The following TPR variants were observed in gnomAD, a reference collection of about 807,000 sequenced individuals.
The protein encoded by TPR is translocated promoter region, nuclear basket protein, also known as nucleoprotein TPR.
TPR carries 51 observed loss-of-function variants against 316.1 expected under a neutral mutation model. That is an observed-to-expected ratio of 0.16 (90% CI 0.13 to 0.20). The LOEUF (loss-of-function observed/expected upper bound fraction) is 0.20, where lower values mean the gene tolerates loss of function less well. Ranked by LOEUF, TPR falls within the 10% of genes least tolerant of loss-of-function variation. The pLI, the probability that TPR is intolerant of heterozygous loss-of-function variation, is 1.00. For missense variants in TPR, 2,272 were observed against 2,754.8 expected (o/e 0.82, Z 3.92); for synonymous variants, 981 against 914.7 (o/e 1.07, Z -1.31).
intron 20 of TPR, 135 bp from the exon 21 acceptor site, chr1:186,350,523 C>A: frequency 2.4e-5 from 14 of 583,400 alleles, no homozygotes; most frequent in Middle Eastern, 4.8e-4. Context: ...CTGAAACAGC[C>A]AAAAAAAACC....
chr1:186,344,026 T>C lies in TPR; in HGVS notation c.3482A>G (p.Asp1161Gly). The C allele has an allele frequency of 6.2e-7, 1 of 1,614,194 alleles. No homozygotes were observed. The highest frequency in any genetic ancestry group is 8.5e-7 in the Non-Finnish European group (1 of 1,180,036). Residue 1161 changes from aspartate to glycine, a missense_variant, in exon 26 of 51, where the codon GAT becomes GGT. Asp to Gly is a moderately conservative substitution (Grantham distance 94, BLOSUM62 -1). This residue lies in a region of TPR where 757 missense variants were observed against 859.8 expected (regional missense o/e 0.88). Transcript: ENST00000367478. ...CTTGTCACTTAATTTTTCGATCTGA[T>C]CATGAAGTAATCTGTTTTGTTTCTC... ...DLEKQNRLLHDQIEKLSDKVV... is the reference protein window; with the variant it reads ...DLEKQNRLLHGQIEKLSDKVV...
intron 37 of TPR, among the ~76,000 whole-genome samples, chr1:186,332,692 G>A (rs1011158065): frequency 2.0e-5 from 3 of 152,014 alleles, no homozygotes; most frequent in African/African-American, 7.2e-5. Context: ...TAAAACTCAG[G>A]ACTCCTTGAA....
intron 41 of TPR, 22 bp from the exon 42 acceptor site, chr1:186,325,876 A>ATTTT: frequency 6.2e-7 from 1 of 1,605,624 alleles, no homozygotes; most frequent in Admixed American, 1.7e-5. Flanking sequence ...ACGTGGTAAC[A>ATTTT]TAATGCTCAA....
rs1262844659 is a variant in TPR, at chr1:186,370,997, A to C, written c.303T>G (p.Ile101Met). Reference protein sequence around the residue: ...ALTEKNKELEIAQDRNIAIQS... With the variant: ...ALTEKNKELEMAQDRNIAIQS... ...GAATGGCAATATTGCGATCCTGAGC[A>C]ATTTCAAGTTCTTTGTTTTTCTCAG... The change falls in exon 3 of 51, where the codon ATT becomes ATG. Residue 101 changes from isoleucine (I) to methionine (M), a missense_variant. Physicochemically the swap from Ile to Met is conservative, Grantham distance 10 (BLOSUM62 1). Coordinates refer to ENST00000367478, the MANE Select transcript of TPR (RefSeq NM_003292.3). 1 of 1,613,104 alleles carries C rather than the reference A, an allele frequency of 6.2e-7. No homozygotes were observed.
chr1:186,343,885 A>G (rs61810291), intron 26 of TPR, 21 bp downstream of exon 26: 2 of 1,590,426 alleles, frequency 1.3e-6, no homozygotes, highest in Non-Finnish European at 1.7e-6. Context: ...ACAGAAATGA[A>G]GCAGTAAGAA....
Position 186,322,576 on chromosome 1 carries a change from A to C in TPR, c.6308T>G (p.Met2103Arg). Reference sequence around the variant, plus strand: ...ACGTCCTACAGACTGCCTTCGGGTCATCTGAATTCTCTGCGTGTCAAGATA... The same window carrying C: ...ACGTCCTACAGACTGCCTTCGGGTCCTCTGAATTCTCTGCGTGTCAAGATA... Reference protein sequence around the residue: ...ELGPPVQRIQMTRRQSVGRGL... With the variant: ...ELGPPVQRIQRTRRQSVGRGL... The change falls in exon 44 of 51, where the codon ATG becomes AGG. Residue 2103 changes from methionine to arginine, a missense_variant. Met to Arg is a moderately conservative substitution (Grantham distance 91). Coordinates refer to ENST00000367478, the MANE Select transcript of TPR (RefSeq NM_003292.3). The C allele has an allele frequency of 1.2e-6, 2 of 1,614,086 alleles. No individual in the cohort carries two copies. The highest frequency in any genetic ancestry group is 1.7e-6 in the Non-Finnish European group (2 of 1,179,968).
intron 31 of TPR, 98 bp from the exon 32 acceptor site, chr1:186,337,254 A>C: frequency 1.4e-6 from 2 of 1,400,922 alleles, no homozygotes; most frequent in Non-Finnish European, 1.9e-6. Context: ...TTTGCAAAGA[A>C]ATTTTATCCC....
chr1:186,350,252 GCAACTTGGACTT>G lies in TPR; in HGVS notation c.2735_2746del (p.Glu912_Val915del). 6.2e-7 allele frequency: 1 copy of G among 1,611,224 alleles called. No homozygotes were observed. Among genetic ancestry groups the G allele is most frequent in the Non-Finnish European group, 8.5e-7 (1 of 1,179,182 alleles). On this transcript the variant is annotated inframe_deletion, in exon 21 of 51. Coordinates refer to ENST00000367478, the MANE Select transcript of TPR (RefSeq NM_003292.3). ...ACCAGTTCTCTGTGAAGACTGAGAA[GCAACTTGGACTT>G]CCATATTACTGAGGTGCTGTTTCAA... is the stretch of plus-strand genomic sequence containing the variant.
At chr1:186,370,562 A>G (rs1291406815) in intron 3 of TPR, among the ~76,000 whole-genome samples, 1 of 152,120 alleles carries the variant, frequency 6.6e-6, no homozygotes, top group Admixed American at 6.5e-5. Context: ...TGGCAAAAGT[A>G]TAAAGTTGTA....
chr1:186,373,506 T>C (rs1471752323), intron 1 of TPR, 43 bp from the exon 2 acceptor site: 1 of 1,210,220 alleles, frequency 8.3e-7, no homozygotes. Flanking sequence ...ATCAAACACA[T>C]GTACATACAT....
At chr1:186,363,272 T>C in intron 5 of TPR, 70 bp downstream of exon 5, 6 of 1,324,370 alleles carry the variant, frequency 4.5e-6, no homozygotes, top group Non-Finnish European at 6.4e-6. Context: ...TTGCCTATAT[T>C]TGAAATTTAA....
intron 29 of TPR, 126 bp downstream of exon 29, chr1:186,340,902 T>A: frequency 8.3e-7 from 1 of 1,211,674 alleles, no homozygotes. Flanking sequence ...ATTAATAACA[T>A]AATAGACTTT....
chr1:186,344,330 C>A, intron 25 of TPR, 45 bp downstream of exon 25: 1 of 1,583,610 alleles, frequency 6.3e-7, no homozygotes, highest in Non-Finnish European at 8.6e-7. Flanking sequence ...AAAAAAACAA[C>A]TCTTTCAATT....
At chr1:186,361,966 A>G in intron 7 of TPR, 97 bp from the exon 8 acceptor site, 4 of 1,187,082 alleles carry the variant, frequency 3.4e-6, no homozygotes, top group Non-Finnish European at 4.7e-6. Context: ...GTAAAGTAAG[A>G]GCTAAATCTA....
rs1169604086 is a variant in TPR at position 186,313,771 on chromosome 1, G to C, written c.*200C>G. The stretch of plus-strand genomic sequence containing the variant: ...ACCTTATCCAAAGTCTGGTACAACT[G>C]TCCTTAGACTGATGAGCAAAGGAGG... On this transcript the variant is annotated 3_prime_UTR_variant, in exon 51 of 51. Transcript: ENST00000367478. 1.3e-6 allele frequency: 2 copies of C among 1,599,268 alleles called. No homozygotes were observed. Among genetic ancestry groups the C allele is most frequent in the South Asian group, 1.1e-5 (1 of 90,780 alleles).
chr1:186,348,262 C>T (rs1009492727), intron 21 of TPR, among the ~76,000 whole-genome samples: 5 of 151,922 alleles, frequency 3.3e-5, no homozygotes, highest in Admixed American at 6.6e-5. Context: ...TATGAACAGC[C>T]GCTCTGGGAA....
chr1:186,338,742 T>C (rs770561946), intron 30 of TPR, among the ~76,000 whole-genome samples: 6 of 152,198 alleles, frequency 3.9e-5, no homozygotes, highest in Non-Finnish European at 7.3e-5. Flanking sequence ...ATTTGGTCTA[T>C]GGGCTACAGT....
intron 39 of TPR, among the ~76,000 whole-genome samples, chr1:186,330,416 C>A (rs1007110792): frequency 1.3e-5 from 2 of 152,082 alleles, no homozygotes; most frequent in Non-Finnish European, 2.9e-5. Flanking sequence ...AAAGAGGCTG[C>A]GCACAAACTG....
intron 49 of TPR, among the ~76,000 whole-genome samples, chr1:186,317,213 G>T (rs958238476): frequency 1.3e-5 from 2 of 152,162 alleles, no homozygotes; most frequent in Non-Finnish European, 2.9e-5. Flanking sequence ...AACATATGTT[G>T]ACAACCAATA....
Sources: allele counts gnomAD v4.1 joint callset (sites outside exome capture counted in the v4.1 genomes callset), GRCh38; gene constraint gnomAD v4.1.1; regional missense constraint gnomAD v4.1.1; transcripts MANE v1.5; gene names NCBI Gene and HGNC (gene_info 2026-07-23, HGNC 2026-07-21).